Variants in TAMM41 observed in about 807,000 individuals in gnomAD.
TAMM41 encodes the protein TAM41 mitochondrial translocator assembly and maintenance homolog.
TAMM41 carries 36 observed loss-of-function variants against 44.1 expected under a neutral mutation model. The observed-to-expected ratio is 0.82, with a 90% CI of 0.63 to 1.08. The LOEUF (loss-of-function observed/expected upper bound fraction) is 1.08. Ranked by LOEUF, TAMM41 falls within the 50% of genes least tolerant of loss-of-function variation. The pLI is 0.00. For synonymous variants in TAMM41, 164 were observed against 153.1 expected (o/e 1.07, Z -0.53); for missense variants, 417 against 404.3 (o/e 1.03, Z -0.27).
chr3:11,797,246 T>C (rs2077627330), intron 7 of TAMM41, among the ~76,000 whole-genome samples: 1 of 152,098 alleles, frequency 6.6e-6, no homozygotes, highest in Admixed American at 6.5e-5. Flanking sequence ...CTTCAAACTA[T>C]AAATACAGGG....
the TAMM41 span, among the ~76,000 whole-genome samples, chr3:11,732,820 A>AGGAT: frequency 6.6e-6 from 1 of 152,066 alleles, no homozygotes; most frequent in Admixed American, 6.6e-5. Flanking sequence ...CCATGATGGA[A>AGGAT]GGATGGAAGG....
the TAMM41 span, among the ~76,000 whole-genome samples, chr3:11,746,515 C>A: frequency 7.2e-5 from 11 of 151,778 alleles, no homozygotes; most frequent in East Asian, 1.9e-3. Context: ...AATATTCCTG[C>A]AATGAAATAC....
At chr3:11,762,854 G>A in the TAMM41 span, among the ~76,000 whole-genome samples, 6 of 152,226 alleles carry the variant, frequency 3.9e-5, no homozygotes. Flanking sequence ...GAGGTCAGGA[G>A]TTTGAGACCA....
downstream of TAMM41, among the ~76,000 whole-genome samples, chr3:11,788,830 G>A (rs551251188): frequency 2.1e-4 from 32 of 152,148 alleles, 1 homozygote; most frequent in South Asian, 6.0e-3. Flanking sequence ...CCAGCTACTC[G>A]GGACGCTGAA....
chr3:11,726,069 G>A, the TAMM41 span, among the ~76,000 whole-genome samples: 1 of 152,226 alleles, frequency 6.6e-6, no homozygotes, highest in East Asian at 1.9e-4. Context: ...CAAATAAGGG[G>A]AATATCAACG....
At position 11,796,123 on chromosome 3, in the gene TAMM41, C is replaced by A. The variant is rs369743185; in HGVS notation, c.938-5542G>T. On this transcript the variant is annotated intron_variant, in intron 7 of 7. Transcript: ENST00000455809. The stretch of plus-strand genomic sequence containing the variant: ...GGAATTTCAAGGGAACTAATAAAGA[C>A]AAAGCATCAGTGAGACTGCATTGAG... Among the ~76,000 whole-genome samples, 9 of 152,162 alleles carry A rather than the reference C, an allele frequency of 5.9e-5. No individual in the cohort carries two copies. In the East Asian group the frequency reaches 1.7e-3, roughly 29 times the overall value.
chr3:11,783,652 A>C, the TAMM41 span, among the ~76,000 whole-genome samples: 22 of 152,384 alleles, frequency 1.4e-4, 1 homozygote, highest in Middle Eastern at 0.024. Context: ...TCCAAGAGAC[A>C]GTTATCAAAT....
chr3:11,837,259 A>G (rs979237709), intron 3 of TAMM41, among the ~76,000 whole-genome samples: 1 of 152,190 alleles, frequency 6.6e-6, no homozygotes. Flanking sequence ...AGAACAATCT[A>G]TCGGCCTCTT....
chr3:11,752,412 T>A, the TAMM41 span, among the ~76,000 whole-genome samples: 5 of 152,022 alleles, frequency 3.3e-5, no homozygotes, highest in Admixed American at 6.6e-5. Context: ...CCTGCCCACA[T>A]CCTGCTGATT....
At chr3:11,782,411 G>A in the TAMM41 span, among the ~76,000 whole-genome samples, 4 of 151,934 alleles carry the variant, frequency 2.6e-5, no homozygotes, top group Non-Finnish European at 4.4e-5. Flanking sequence ...GCCAGGGGTG[G>A]TGGTGCGTGC....
intron 5 of TAMM41, among the ~76,000 whole-genome samples, chr3:11,814,874 G>A (rs1278287416): frequency 6.6e-6 from 1 of 152,152 alleles, no homozygotes; most frequent in Non-Finnish European, 1.5e-5. Flanking sequence ...TGAGGTGGGA[G>A]AGTCACTTGA....
chr3:11,739,671 C>CAAAA, the TAMM41 span, among the ~76,000 whole-genome samples: 6 of 53,456 alleles, frequency 1.1e-4, no homozygotes, highest in African/African-American at 3.0e-4. Flanking sequence ...GACTCCATCT[C>CAAAA]AAAAAAAAAA....
the TAMM41 span, among the ~76,000 whole-genome samples, chr3:11,784,829 G>C: frequency 4.7e-3 from 645 of 137,210 alleles, 5 homozygotes; most frequent in African/African-American, 0.017. Flanking sequence ...AGGAGGAGGA[G>C]TCTCGCTCTG....
intron 4 of TAMM41, among the ~76,000 whole-genome samples, chr3:11,819,091 A>T (rs866827500): frequency 6.6e-6 from 1 of 152,052 alleles, no homozygotes; most frequent in Non-Finnish European, 1.5e-5. Flanking sequence ...GATCACTGCT[A>T]ATGAGGAGGT....
intron 7 of TAMM41, among the ~76,000 whole-genome samples, chr3:11,798,246 C>T (rs554524809): frequency 6.6e-6 from 1 of 152,102 alleles, no homozygotes; most frequent in African/African-American, 2.4e-5. Flanking sequence ...ATGGAATCAA[C>T]CTAAATGCCC....
Position 11,846,800 on chromosome 3 carries a change from G to A in TAMM41, c.-164C>T, listed in dbSNP as rs1164148259. The A allele has an allele frequency of 7.0e-6, 6 of 859,524 alleles. No individual in the cohort carries two copies. The Admixed American group carries it at 1.0e-4, about 15-fold the overall frequency. The allele number at this position is 859,524 out of a possible 1,614,324, so 53.2% of individuals were successfully genotyped here. On this transcript the variant is annotated 5_prime_UTR_variant, in exon 1 of 8. Coordinates refer to ENST00000455809, the MANE Select transcript of TAMM41 (RefSeq NM_001284401.2). Reference sequence around the variant, plus strand: ...GGACTGCAAGCACACGCAAGGATTGGGGCGTTGGGCCACGAAGAGCAGCGG... The same window carrying A: ...GGACTGCAAGCACACGCAAGGATTGAGGCGTTGGGCCACGAAGAGCAGCGG...
At chr3:11,751,866 G>C in the TAMM41 span, among the ~76,000 whole-genome samples, 61 of 152,144 alleles carry the variant, frequency 4.0e-4, no homozygotes, top group Admixed American at 5.9e-4. Context: ...AGATATGCTG[G>C]GTATGAGACT....
intron 5 of TAMM41, 198 bp from the exon 6 acceptor site, chr3:11,809,880 A>G (rs2078035522): frequency 2.0e-6 from 1 of 498,262 alleles, no homozygotes; most frequent in African/African-American, 2.0e-5. Flanking sequence ...TTCAAAAAGG[A>G]CAATTCTTGT....
the TAMM41 span, among the ~76,000 whole-genome samples, chr3:11,741,482 A>G: frequency 6.7e-6 from 1 of 149,742 alleles, no homozygotes; most frequent in Non-Finnish European, 1.5e-5. Context: ...TCCTCAGAGA[A>G]TACATCCCAA....
Sources: gnomAD v4.1 joint callset for allele counts (sites outside exome capture counted in the v4.1 genomes callset) on GRCh38, gnomAD v4.1.1 for gene constraint, MANE v1.5 for transcripts, NCBI Gene and HGNC (gene_info 2026-07-23, HGNC 2026-07-21) for gene names.